Variants in HBS1L observed in about 807,000 individuals in gnomAD.
HBS1L encodes HBS1-like protein.
Under a neutral mutation model 88.9 loss-of-function variants are expected in HBS1L, and 55 were observed. That is an observed-to-expected ratio of 0.62 (90% CI 0.50 to 0.77). The LOEUF (loss-of-function observed/expected upper bound fraction) is 0.77. Ranked by LOEUF, HBS1L falls within the 30% of genes least tolerant of loss-of-function variation. The pLI, the probability that HBS1L is intolerant of heterozygous loss-of-function variation, is 0.00. For missense variants in HBS1L, 741 were observed against 829.3 expected (o/e 0.89, Z 1.31); for synonymous variants, 267 against 288.5 (o/e 0.93, Z 0.76).
intron 5 of HBS1L, 96 bp downstream of exon 5, chr6:135,002,638 A>G: frequency 1.4e-6 from 1 of 691,242 alleles, no homozygotes; most frequent in Non-Finnish European, 2.6e-6. Context: ...ATGATATATT[A>G]TGCGAAATTG....
intron 4 of HBS1L, among the ~76,000 whole-genome samples, chr6:135,019,333 A>C (rs1776008336): frequency 6.6e-6 from 1 of 151,974 alleles, no homozygotes; most frequent in Admixed American, 6.5e-5. Flanking sequence ...ACTTGGAGAC[A>C]AGAAAAAGTT....
intron 4 of HBS1L, among the ~76,000 whole-genome samples, chr6:135,035,210 T>A (rs948400660): frequency 2.0e-5 from 3 of 152,098 alleles, no homozygotes; most frequent in African/African-American, 7.2e-5. Context: ...CCCTGCACTT[T>A]GGGAGGCCTA....
At chr6:135,050,010 C>G (rs9389261) in intron 2 of HBS1L, among the ~76,000 whole-genome samples, 79,690 of 152,176 alleles carry the variant, frequency 0.52, 21,001 homozygotes, top group South Asian at 0.57. Context: ...AAGAATATAT[C>G]AATGTTCTCC....
At chr6:135,044,334 T>C (rs1165786455) in intron 2 of HBS1L, among the ~76,000 whole-genome samples, 5 of 152,226 alleles carry the variant, frequency 3.3e-5, no homozygotes, top group Non-Finnish European at 5.9e-5. Context: ...AATTTTAGTA[T>C]ATAATTCTGA....
At chr6:135,026,613 C>T (rs943225815) in intron 4 of HBS1L, among the ~76,000 whole-genome samples, 5 of 151,992 alleles carry the variant, frequency 3.3e-5, no homozygotes, top group Admixed American at 3.3e-4. Flanking sequence ...TACAACTAAA[C>T]CAAAGTCACT....
At chr6:135,038,588 T>C (rs1015741696) in intron 4 of HBS1L, among the ~76,000 whole-genome samples, 3 of 152,154 alleles carry the variant, frequency 2.0e-5, no homozygotes, top group African/African-American at 7.2e-5. Context: ...TAACAGGCTG[T>C]ACACAGCTTT....
At chr6:135,002,947 T>C (rs4559100) in intron 4 of HBS1L, 105 bp from the exon 5 acceptor site, 344,529 of 670,914 alleles carry the variant, frequency 0.51, 89,542 homozygotes, top group South Asian at 0.59. Context: ...TTTCACAGAA[T>C]TAATGTCTTT....
Position 134,969,114 on chromosome 6 carries a change from A to G in HBS1L, c.1898+124T>C, listed in dbSNP as rs1774407388. On this transcript the variant is annotated intron_variant, in intron 16 of 17. Transcript: ENST00000367837. ...TTGTTTTAATCTAGCCCTTGAAAAAATAATTTCTGGAACAAGTAAAAATGG... is the reference window on the plus strand; with the variant it reads ...TTGTTTTAATCTAGCCCTTGAAAAAGTAATTTCTGGAACAAGTAAAAATGG... 14 of 659,802 alleles carry G rather than the reference A, an allele frequency of 2.1e-5. No individual in the cohort carries two copies. In the South Asian group the frequency reaches 2.5e-4, roughly 12 times the overall value. The allele number at this position is 659,802 out of a possible 1,614,324, so 40.9% of individuals were successfully genotyped here. A position where few individuals can be genotyped will look rare whatever the true frequency, so the allele number is the denominator to read the frequency against.
intron 15 of HBS1L, among the ~76,000 whole-genome samples, chr6:134,974,650 CA>C (rs71006747): frequency 2.7e-5 from 4 of 146,606 alleles, no homozygotes; most frequent in African/African-American, 2.5e-5. Context: ...CAATTAAAAG[CA>C]AAAAAAAAAC....
chr6:134,979,458 A>G (rs1244097183), intron 13 of HBS1L, 190 bp from the exon 14 acceptor site: 4 of 527,550 alleles, frequency 7.6e-6, no homozygotes, highest in African/African-American at 5.7e-5. Context: ...ACTCTTCTAG[A>G]ATACCACCCT....
intron 16 of HBS1L, among the ~76,000 whole-genome samples, chr6:134,968,039 T>C (rs1440251137): frequency 1.3e-5 from 2 of 152,182 alleles, no homozygotes; most frequent in Non-Finnish European, 2.9e-5. Flanking sequence ...TAGAGCAATG[T>C]GAGATTTTCT....
chr6:134,965,786 C>T (rs561086459), intron 17 of HBS1L, among the ~76,000 whole-genome samples: 1 of 152,264 alleles, frequency 6.6e-6, no homozygotes, highest in South Asian at 2.1e-4. Context: ...CACCGCCTTC[C>T]ATATGTATTT....
chr6:134,997,485 C>A lies in HBS1L; in HGVS notation c.711G>T (p.Lys237Asn). 6.2e-7 allele frequency: 1 copy of A among 1,614,078 alleles called. No homozygotes were observed. The highest frequency in any genetic ancestry group is 8.5e-7 in the Non-Finnish European group (1 of 1,179,998). ...EQSSTPAPVK[K>N]SGKLRQQIDV... ...CTATTTGCTGCCTCAGCTTGCCAGA[C>A]TTTTTCACCGGTGCTGGGGTTGAAC... is the stretch of plus-strand genomic sequence containing the variant. The change falls in exon 6 of 18, where the codon AAG (lysine) becomes AAT (asparagine). Residue 237 changes from lysine (K) to asparagine (N), a missense_variant. Transcript: ENST00000367837.
At chr6:135,022,086 T>C (rs1264596258) in intron 4 of HBS1L, among the ~76,000 whole-genome samples, 1 of 152,126 alleles carries the variant, frequency 6.6e-6, no homozygotes, top group African/African-American at 2.4e-5. Context: ...CAGTTTTATG[T>C]CCCCTATGCC....
chr6:134,987,059 C>A (rs765360808), intron 9 of HBS1L, among the ~76,000 whole-genome samples: 1 of 151,930 alleles, frequency 6.6e-6, no homozygotes. Flanking sequence ...CAGAAATTTC[C>A]ATGGAATGAA....
chr6:135,052,430 G>C (rs929156784), intron 1 of HBS1L, among the ~76,000 whole-genome samples: 2 of 151,814 alleles, frequency 1.3e-5, no homozygotes, highest in South Asian at 4.2e-4. Flanking sequence ...AAATTAACCG[G>C]GCATGGGGGC....
intron 4 of HBS1L, among the ~76,000 whole-genome samples, chr6:135,032,266 G>A (rs755998183): frequency 4.6e-5 from 7 of 150,960 alleles, no homozygotes; most frequent in Non-Finnish European, 7.4e-5. Context: ...TAGATTGTAT[G>A]TTTTTACATT....
At position 134,996,789 on chromosome 6, in the gene HBS1L, T is replaced by G. The variant is rs1433815187; in HGVS notation, c.953A>C (p.Glu318Ala). ...AYAWVLDETG[E>A]ERERGVTMDV... The stretch of plus-strand genomic sequence containing the variant: ...ATATAGTGACTACCTTTCCCTTTCT[T>G]CGCCAGTTTCATCCAAGACCCATGC... Residue 318 changes from glutamate to alanine, a missense_variant, in exon 7 of 18, where the codon GAA (glutamate) becomes GCA (alanine). Physicochemically the swap from Glu to Ala is moderately radical, Grantham distance 107. This residue lies in a region of HBS1L where 556 missense variants were observed against 598.4 expected (regional missense o/e 0.93). Coordinates refer to ENST00000367837, the MANE Select transcript of HBS1L (RefSeq NM_006620.4). 1 of 1,593,660 alleles carries G rather than the reference T, an allele frequency of 6.3e-7. No homozygotes were observed. The highest frequency in any genetic ancestry group is 1.2e-5 in the South Asian group (1 of 86,484).
chr6:134,998,916 A>G (rs1000308847), intron 5 of HBS1L, among the ~76,000 whole-genome samples: 11 of 152,240 alleles, frequency 7.2e-5, no homozygotes, highest in Admixed American at 1.3e-4. Context: ...AAAAACAGTA[A>G]TATGCAGGAA....
Sources: allele counts gnomAD v4.1 joint callset (sites outside exome capture counted in the v4.1 genomes callset), GRCh38; gene constraint gnomAD v4.1.1; regional missense constraint gnomAD v4.1.1; transcripts MANE v1.5; gene names NCBI Gene and HGNC (gene_info 2026-07-23, HGNC 2026-07-21).